The following ADGRB1 variants were observed in gnomAD, a reference collection of about 807,000 sequenced individuals.
ADGRB1 encodes the protein brain-specific angiogenesis inhibitor 1.
ADGRB1 carries 36 observed loss-of-function variants against 175.7 expected under a neutral mutation model. That is an observed-to-expected ratio of 0.20 (90% CI 0.16 to 0.27). The LOEUF is 0.27. Among genes scored for constraint, ADGRB1 ranks in the 10% least tolerant of loss-of-function variants. The pLI is 1.00. For synonymous variants in ADGRB1, 1,054 were observed against 979.4 expected (o/e 1.08, Z -1.42); for missense variants, 1,731 against 2,255.3 (o/e 0.77, Z 4.71).
chr8:142,534,296 C>T (rs1289820358), intron 25 of ADGRB1, among the ~76,000 whole-genome samples: 2 of 152,222 alleles, frequency 1.3e-5, no homozygotes, highest in East Asian at 1.9e-4. Flanking sequence ...CCTGGTTTTC[C>T]GGCCTTAGGT....
chr8:142,499,595 C>T (rs527557786), intron 17 of ADGRB1, among the ~76,000 whole-genome samples: 34 of 145,276 alleles, frequency 2.3e-4, no homozygotes, highest in African/African-American at 4.9e-4. Flanking sequence ...CGGAGTGCCG[C>T]GGTGGGAGCG....
chr8:142,471,831 A>C (rs1316082153), intron 2 of ADGRB1, among the ~76,000 whole-genome samples: 2 of 152,218 alleles, frequency 1.3e-5, no homozygotes, highest in Non-Finnish European at 2.9e-5. Context: ...AGGTGGGCTA[A>C]GTCAGGCCAC....
At chr8:142,450,553 C>G (rs1839285499) in intron 1 of ADGRB1, among the ~76,000 whole-genome samples, 1 of 152,104 alleles carries the variant, frequency 6.6e-6, no homozygotes, top group South Asian at 2.1e-4. Flanking sequence ...CACATAGACG[C>G]AGCAGGCTCC....
chr8:142,532,859 CCT>C (rs1554621822), intron 24 of ADGRB1, among the ~76,000 whole-genome samples: 1 of 152,150 alleles, frequency 6.6e-6, no homozygotes, highest in Non-Finnish European at 1.5e-5. Flanking sequence ...TCTCCCTTCC[CCT>C]GTCACCTCCT....
At chr8:142,533,696 C>T (rs1587432983) in intron 25 of ADGRB1, among the ~76,000 whole-genome samples, 1 of 152,188 alleles carries the variant, frequency 6.6e-6, no homozygotes, top group South Asian at 2.1e-4. Flanking sequence ...CCCAAGGATG[C>T]CCTGCGCCCG....
intron 3 of ADGRB1, 121 bp from the exon 4 acceptor site, chr8:142,476,464 G>T: frequency 1.6e-5 from 14 of 856,034 alleles, no homozygotes; most frequent in Non-Finnish European, 2.6e-5. Flanking sequence ...CTGGTCCCTG[G>T]CTCCCAGCTG....
At chr8:142,516,227 G>T (rs1367485439) in intron 18 of ADGRB1, among the ~76,000 whole-genome samples, 5 of 145,412 alleles carry the variant, frequency 3.4e-5, no homozygotes, top group African/African-American at 1.3e-4. Flanking sequence ...CGGGCCCCAG[G>T]TGTGTGTGTG....
chr8:142,480,843 C>T (rs1342506672), intron 9 of ADGRB1, among the ~76,000 whole-genome samples: 1 of 152,210 alleles, frequency 6.6e-6, no homozygotes, highest in Admixed American at 6.5e-5. Flanking sequence ...AGGCTGCCCC[C>T]ATGTCTCTGG....
At chr8:142,531,015 G>A (rs549336305) in intron 24 of ADGRB1, among the ~76,000 whole-genome samples, 7 of 152,318 alleles carry the variant, frequency 4.6e-5, no homozygotes, top group East Asian at 1.9e-4. Context: ...GCAGCAGATC[G>A]GGCTGTAAAT....
At chr8:142,534,936 AGGAGCTC>A (rs1175537407) in intron 25 of ADGRB1, among the ~76,000 whole-genome samples, 1 of 152,190 alleles carries the variant, frequency 6.6e-6, no homozygotes, top group Admixed American at 6.5e-5. Context: ...AGCTCGTCAC[AGGAGCTC>A]ATCACCATGG....
chr8:142,461,918 T>C (rs1839989951), intron 1 of ADGRB1, among the ~76,000 whole-genome samples: 1 of 152,124 alleles, frequency 6.6e-6, no homozygotes, highest in South Asian at 2.1e-4. Flanking sequence ...CAGCCAGGAC[T>C]GGGCTCACCC....
intron 23 of ADGRB1, among the ~76,000 whole-genome samples, chr8:142,525,285 G>C (rs952513819): frequency 1.3e-5 from 2 of 151,992 alleles, no homozygotes; most frequent in Non-Finnish European, 2.9e-5. Context: ...GGAGGCAGGA[G>C]AGGCGTGGGG....
intron 13 of ADGRB1, among the ~76,000 whole-genome samples, chr8:142,487,842 C>A (rs766189298): frequency 2.0e-5 from 3 of 152,236 alleles, no homozygotes; most frequent in Non-Finnish European, 4.4e-5. Flanking sequence ...TCCCTTCTTT[C>A]ACCGTGGCCC....
intron 13 of ADGRB1, among the ~76,000 whole-genome samples, chr8:142,485,939 C>T (rs1324124893): frequency 6.6e-6 from 1 of 152,212 alleles, no homozygotes; most frequent in Non-Finnish European, 1.5e-5. Flanking sequence ...CCATGAGAGA[C>T]AGAGCAAGTA....
chr8:142,536,898 G>A, intron 25 of ADGRB1, 89 bp from the exon 26 acceptor site: 7 of 1,141,132 alleles, frequency 6.1e-6, no homozygotes, highest in South Asian at 3.2e-5. Flanking sequence ...CGAGACGCCC[G>A]CCCCCCCACA....
chr8:142,520,376 T>A (rs1446986635), intron 19 of ADGRB1, among the ~76,000 whole-genome samples: 1 of 133,358 alleles, frequency 7.5e-6, no homozygotes, highest in Non-Finnish European at 1.6e-5. Flanking sequence ...GTGATGGTGG[T>A]GGTGGTGATG....
intron 2 of ADGRB1, among the ~76,000 whole-genome samples, chr8:142,469,647 G>A (rs1387696341): frequency 1.1e-4 from 16 of 151,330 alleles, no homozygotes; most frequent in Admixed American, 3.9e-4. Flanking sequence ...GTGCACGTGC[G>A]TGTGAACGCA....
chr8:142,539,748 C>T, intron 27 of ADGRB1: 2 of 470,340 alleles, frequency 4.3e-6, no homozygotes, highest in Admixed American at 3.7e-5. Context: ...CTGTCGTGGC[C>T]CCAGCGAGGA....
intron 18 of ADGRB1, among the ~76,000 whole-genome samples, chr8:142,516,383 G>T (rs35665724): frequency 3.3e-5 from 4 of 120,942 alleles, no homozygotes; most frequent in Non-Finnish European, 5.2e-5. Context: ...AGGTGCGTGC[G>T]TCTGTGTGGG....
Sources: gnomAD v4.1 joint callset for allele counts (sites outside exome capture counted in the v4.1 genomes callset) on GRCh38, gnomAD v4.1.1 for gene constraint, MANE v1.5 for transcripts, NCBI Gene and HGNC (gene_info 2026-07-23, HGNC 2026-07-21) for gene names.